Variants in DYNC2H1 observed in about 807,000 individuals in gnomAD.
The protein encoded by DYNC2H1 is cytoplasmic dynein 2 heavy chain 1.
In DYNC2H1, 410 loss-of-function variants were observed where a neutral mutation model predicts 570.0. That is an observed-to-expected ratio of 0.72 (90% CI 0.66 to 0.78). DYNC2H1 has a LOEUF of 0.78. Among genes scored for constraint, DYNC2H1 ranks in the 30% least tolerant of loss-of-function variants. The probability of loss-of-function intolerance (pLI) is 0.00; values close to 1 mark genes in which losing one functional copy is unlikely to be tolerated. For synonymous variants in DYNC2H1, 1,688 were observed against 1,677.6 expected (o/e 1.01, Z -0.15); for missense variants, 4,865 against 5,046.4 (o/e 0.96, Z 1.09).
At chr11:103,293,241 C>T (rs907271680) in intron 75 of DYNC2H1, among the ~76,000 whole-genome samples, 1 of 152,078 alleles carries the variant, frequency 6.6e-6, no homozygotes, top group Non-Finnish European at 1.5e-5. Context: ...GATATGTCAT[C>T]CCCCTCCCTC....
Position 103,236,485 on chromosome 11 carries a change from T to G in DYNC2H1, c.9765T>G (p.Ser3255Arg), listed in dbSNP as rs746293612. 6.2e-7 allele frequency: 1 copy of G among 1,610,146 alleles called. No individual in the cohort carries two copies. The highest frequency in any genetic ancestry group is 2.2e-5 in the East Asian group (1 of 44,634). The change falls in exon 63 of 89, where the codon AGT becomes AGG. Residue 3255 changes from serine to arginine, a missense_variant. Ser to Arg is a moderately radical substitution (Grantham distance 110). This residue lies in a region of DYNC2H1 where 2,401 missense variants were observed against 2,454.6 expected (regional missense o/e 0.98). Transcript: ENST00000375735. The part of the protein sequence containing the change: ...CTESEQLIWK[S>R]EGLPSDDLSI... ...AAAGTGAGCAGTTAATTTGGAAAAGTGAAGGCCTACCATCAGATGACCTTT... is the reference window on the plus strand; with the variant it reads ...AAAGTGAGCAGTTAATTTGGAAAAGGGAAGGCCTACCATCAGATGACCTTT...
At chr11:103,453,641 T>TATATATATATATATATATAC (rs1273661728) in intron 85 of DYNC2H1, among the ~76,000 whole-genome samples, 46 of 93,206 alleles carry the variant, frequency 4.9e-4, no homozygotes, top group African/African-American at 1.7e-3. Flanking sequence ...TATATATATA[T>TATATATATATATATATATAC]ACACACATTC....
intron 66 of DYNC2H1, 99 bp downstream of exon 66, chr11:103,253,547 A>G: frequency 8.7e-7 from 1 of 1,152,190 alleles, no homozygotes; most frequent in Non-Finnish European, 1.2e-6. Flanking sequence ...ACTAATTAGT[A>G]TTTACATTTA....
At chr11:103,141,829 G>A (rs957232283) in intron 17 of DYNC2H1, among the ~76,000 whole-genome samples, 22 of 152,248 alleles carry the variant, frequency 1.4e-4, no homozygotes, top group African/African-American at 5.3e-4. Context: ...TACAGAGGCA[G>A]GCAGGCCTCC....
Position 103,133,719 on chromosome 11 carries a change from T to C in DYNC2H1, c.2106+12T>C. 1 of 1,568,422 alleles carries C rather than the reference T, an allele frequency of 6.4e-7. No homozygotes were observed. Among genetic ancestry groups the C allele is most frequent in the Non-Finnish European group, 8.6e-7 (1 of 1,157,942 alleles). On this transcript the variant is annotated intron_variant, in intron 14 of 88. Transcript: ENST00000375735. The surrounding 1 kb of genome is among the most constrained non-coding windows in gnomAD (Gnocchi z 4.8). ...CATTTTGTGAAAAGGTATATTTTGTTTATAAAATTGAATAAGCTATGAATG... is the reference window on the plus strand; with the variant it reads ...CATTTTGTGAAAAGGTATATTTTGTCTATAAAATTGAATAAGCTATGAATG...
intron 31 of DYNC2H1, 58 bp from the exon 32 acceptor site, chr11:103,168,697 T>C: frequency 6.5e-7 from 1 of 1,536,762 alleles, no homozygotes; most frequent in Non-Finnish European, 8.9e-7. Context: ...TAATCATAAA[T>C]TATATAAATC....
chr11:103,253,697 C>A (rs926483179), intron 66 of DYNC2H1, among the ~76,000 whole-genome samples: 4 of 152,030 alleles, frequency 2.6e-5, no homozygotes, highest in African/African-American at 9.7e-5. Flanking sequence ...AAGTTTATTT[C>A]TGTTATATGT....
At chr11:103,474,723 C>T (rs139242372) in intron 88 of DYNC2H1, among the ~76,000 whole-genome samples, 2,222 of 152,106 alleles carry the variant, frequency 0.015, 53 homozygotes, top group African/African-American at 0.051. Flanking sequence ...ATGTTAATAT[C>T]TTACTATACC....
chr11:103,236,346 G>A, intron 62 of DYNC2H1, 84 bp from the exon 63 acceptor site: 1 of 870,026 alleles, frequency 1.1e-6, no homozygotes, highest in South Asian at 1.4e-5. Context: ...TAGGACTTTT[G>A]TTTCGGAATA....
chr11:103,309,168 A>ATTTT (rs386374721), intron 78 of DYNC2H1, among the ~76,000 whole-genome samples: 1,323 of 54,612 alleles, frequency 0.024, 268 homozygotes, highest in Middle Eastern at 0.058. Flanking sequence ...ACTGCATGCT[A>ATTTT]TTTTTTTTTT....
intron 88 of DYNC2H1, among the ~76,000 whole-genome samples, chr11:103,477,595 G>T (rs1260408978): frequency 6.6e-6 from 1 of 151,946 alleles, no homozygotes. Context: ...ACTTTGGGAG[G>T]CCGAGGCACA....
chr11:103,211,989 CAA>C lies in DYNC2H1; in HGVS notation c.8694+47_8694+48del, dbSNP rs777106316. 1.9e-5 allele frequency: 26 copies of C among 1,386,626 alleles called. No homozygotes were observed. In the Admixed American group the frequency reaches 2.4e-4, roughly 13 times the overall value. 85.9% of individuals were successfully genotyped at this position (1,386,626 alleles called of 1,614,324 possible). A position where few individuals can be genotyped will look rare whatever the true frequency, so the allele number is the denominator to read the frequency against. The stretch of plus-strand genomic sequence containing the variant: ...AATTATTTTATCTATATATAGGAAA[CAA>C]GAGTTTTGTAAATCACAATGCTATG... On this transcript the variant is annotated intron_variant, in intron 54 of 88. Transcript: ENST00000375735.
At chr11:103,223,751 A>T (rs932344381) in intron 59 of DYNC2H1, among the ~76,000 whole-genome samples, 4 of 143,582 alleles carry the variant, frequency 2.8e-5, no homozygotes, top group African/African-American at 7.8e-5. Context: ...TTATTTATTG[A>T]TTTTTTTTTT....
In DYNC2H1 at chr11:103,244,778, T is replaced by C. The variant is rs1366404545; in HGVS notation, c.9919-473T>C. Among the ~76,000 whole-genome samples the C allele has an allele frequency of 6.7e-6, 1 of 148,516 alleles. No individual in the cohort carries two copies. Among genetic ancestry groups the C allele is most frequent in the Non-Finnish European group, 1.5e-5 (1 of 67,340 alleles). ...ATATCTATAGTTACAGTTATATACATATAAGTACTATATCTATATATAGTC... is the reference window on the plus strand; with the variant it reads ...ATATCTATAGTTACAGTTATATACACATAAGTACTATATCTATATATAGTC... On this transcript the variant is annotated intron_variant, in intron 64 of 88. Transcript: ENST00000375735. This position sits in a 1 kb window ranked among gnomAD's most constrained non-coding sequence, Gnocchi z 4.3.
intron 84 of DYNC2H1, chr11:103,408,352 A>G (rs1267359497): frequency 6.6e-6 from 1 of 152,028 alleles, no homozygotes; most frequent in Non-Finnish European, 1.5e-5. Context: ...GGAATAATAA[A>G]TAGGAGGTGG....
chr11:103,238,664 G>A (rs1251302466), intron 63 of DYNC2H1, among the ~76,000 whole-genome samples: 1 of 152,050 alleles, frequency 6.6e-6, no homozygotes, highest in Non-Finnish European at 1.5e-5. Context: ...TGCTAAGAAA[G>A]GCTTTTGTGT....
rs191340867 is a variant in DYNC2H1 at position 103,130,407 on chromosome 11, A to G, written c.1953+1402A>G. Among the ~76,000 whole-genome samples the G allele has an allele frequency of 4.9e-4, 74 of 152,284 alleles. 5 individuals are homozygous for G. The East Asian group carries it at 5.6e-3, about 12-fold the overall frequency. On this transcript the variant is annotated intron_variant, in intron 13 of 88. Coordinates refer to ENST00000375735, the MANE Select transcript of DYNC2H1 (RefSeq NM_001377.3). ...CTGCTATGTTAACTCTTTTCTGCAC[A>G]CTAGTTCTCAAGCTTGATAATTCTA...
chr11:103,231,304 T>G lies in DYNC2H1; in HGVS notation c.9398T>G (p.Leu3133Arg). Residue 3133 changes from leucine to arginine, a missense_variant, in exon 60 of 89, where the codon CTT (leucine) becomes CGT (arginine). Leu to Arg is a moderately radical substitution (Grantham distance 102). Transcript: ENST00000375735. ...GACAGAAAAAGGAAACTAGAGGAGC[T>G]TCTTAATTCTGTTGGTCAAAAGGTA... Reference protein sequence around the residue: ...TEDRKRKLEELLNSVGQKVSE... With the variant: ...TEDRKRKLEERLNSVGQKVSE... The G allele has an allele frequency of 6.2e-7, 1 of 1,607,610 alleles. No homozygotes were observed. The highest frequency in any genetic ancestry group is 8.5e-7 in the Non-Finnish European group (1 of 1,177,212).
At position 103,209,798 on chromosome 11, in the gene DYNC2H1, CTT is replaced by C. The variant is rs1863075581; in HGVS notation, c.8455-72_8455-71del. On this transcript the variant is annotated intron_variant, in intron 52 of 88. Transcript: ENST00000375735. The surrounding 1 kb of genome is among the most constrained non-coding windows in gnomAD (Gnocchi z 4.2). Reference sequence around the variant, plus strand: ...AGAAGAAAAGTACAATCAATACTGACTTTTTTTGTATTAAAGGTTTTTAACTT... The same window carrying C: ...AGAAGAAAAGTACAATCAATACTGACTTTTTGTATTAAAGGTTTTTAACTT... 4 of 1,151,938 alleles carry C rather than the reference CTT, an allele frequency of 3.5e-6. No homozygotes were observed. Among genetic ancestry groups the C allele is most frequent in the Non-Finnish European group, 4.5e-6 (4 of 881,532 alleles). The allele number at this position is 1,151,938 out of a possible 1,614,324, so 71.4% of individuals were successfully genotyped here.
Sources: allele counts gnomAD v4.1 joint callset (sites outside exome capture counted in the v4.1 genomes callset), GRCh38; gene constraint gnomAD v4.1.1; regional missense constraint gnomAD v4.1.1; non-coding constraint Gnocchi (gnomAD v3.1); transcripts MANE v1.5; gene names NCBI Gene and HGNC (gene_info 2026-07-23, HGNC 2026-07-21).